HCK: variants seen among roughly 807,000 people sequenced by gnomAD.
HCK encodes the protein HCK proto-oncogene, Src family tyrosine kinase.
A neutral mutation model predicts 70.4 loss-of-function variants in HCK; 40 were observed. That is an observed-to-expected ratio of 0.57 (90% CI 0.44 to 0.74). HCK has a LOEUF of 0.74. HCK is among the 30% of genes least tolerant of loss of function. The probability of loss-of-function intolerance (pLI) is 0.00; values close to 1 mark genes in which losing one functional copy is unlikely to be tolerated. For synonymous variants in HCK, 245 were observed against 263.2 expected (o/e 0.93, Z 0.67); for missense variants, 568 against 697.2 (o/e 0.81, Z 2.09).
At chr20:32,067,851 A>G (rs2045482194) in intron 1 of HCK, among the ~76,000 whole-genome samples, 1 of 152,138 alleles carries the variant, frequency 6.6e-6, no homozygotes, top group South Asian at 2.1e-4. Flanking sequence ...GTGAAGGCTT[A>G]GTACAAAAAA....
In HCK at chr20:32,073,273, C is replaced by T. The variant is rs370030252; in HGVS notation, c.184-46C>T. On this transcript the variant is annotated intron_variant, in intron 2 of 12. Coordinates refer to ENST00000375852, the MANE Select transcript of HCK (RefSeq NM_002110.5). ...TCAACACAGACCTTCCACGGGTCCCCACACATTGGTCAGATTCATTCTCTT... is the reference window on the plus strand; with the variant it reads ...TCAACACAGACCTTCCACGGGTCCCTACACATTGGTCAGATTCATTCTCTT... The T allele has an allele frequency of 4.6e-5, 72 of 1,550,558 alleles. No homozygotes were observed. The Middle Eastern group carries it at 6.7e-4, about 14-fold the overall frequency.
In HCK at chr20:32,061,145, A is replaced by G. The variant is rs944596419; in HGVS notation, c.62+8659A>G. 4.6e-5 allele frequency among the ~76,000 whole-genome samples: 7 copies of G among 152,168 alleles called. No individual in the cohort carries two copies. The South Asian group carries it at 6.2e-4, about 14-fold the overall frequency. On this transcript the variant is annotated intron_variant, in intron 1 of 12. Coordinates refer to ENST00000375852, the MANE Select transcript of HCK (RefSeq NM_002110.5). ...ATTACAAGCATGCGCCACCACGCCC[A>G]GCTAATTTTTGTATTTTTAGTAGAG...
intron 2 of HCK, chr20:32,072,575 A>AG: frequency 6.6e-6 from 1 of 150,608 alleles, no homozygotes; most frequent in African/African-American, 2.4e-5. Context: ...AAAAAAAAAA[A>AG]AAAAAAAAAA....
At chr20:32,061,384 C>T (rs1429060332) in intron 1 of HCK, among the ~76,000 whole-genome samples, 1 of 152,214 alleles carries the variant, frequency 6.6e-6, no homozygotes, top group Non-Finnish European at 1.5e-5. Flanking sequence ...GGTCTCCCTG[C>T]CACACTCAGT....
chr20:32,059,078 A>G (rs2045321244), intron 1 of HCK, among the ~76,000 whole-genome samples: 1 of 152,202 alleles, frequency 6.6e-6, no homozygotes, highest in African/African-American at 2.4e-5. Context: ...GTCCAGCCAG[A>G]ATGTGCAGAA....
chr20:32,059,121 C>T (rs1174768588), intron 1 of HCK, among the ~76,000 whole-genome samples: 1 of 152,150 alleles, frequency 6.6e-6, no homozygotes, highest in Admixed American at 6.5e-5. Flanking sequence ...AGGCAGGGCA[C>T]TGACAGCCTC....
chr20:32,087,844 G>A (rs554497650), intron 9 of HCK, among the ~76,000 whole-genome samples: 14 of 152,076 alleles, frequency 9.2e-5, no homozygotes, highest in Admixed American at 6.6e-4. Context: ...GTGTTTCACC[G>A]TGTTAGCCAG....
chr20:32,101,788 A>T lies in HCK; in HGVS notation c.*269A>T, dbSNP rs1314484333. The T allele has an allele frequency of 8.0e-6, 3 of 374,092 alleles. No individual in the cohort carries two copies. The highest frequency in any genetic ancestry group is 6.2e-5 in the African/African-American group (3 of 48,724). The allele number at this position is 374,092 out of a possible 1,614,324, so 23.2% of individuals were successfully genotyped here. Reference sequence around the variant, plus strand: ...ATTTTAGTTACAGCTGTGATTTGGAAGGGAAACTTTCAAAATAGTGAAATG... The same window carrying T: ...ATTTTAGTTACAGCTGTGATTTGGATGGGAAACTTTCAAAATAGTGAAATG... On this transcript the variant is annotated 3_prime_UTR_variant, in exon 13 of 13. Transcript: ENST00000375852.
intron 11 of HCK, among the ~76,000 whole-genome samples, chr20:32,096,912 T>TAC (rs1569014108): frequency 6.6e-6 from 1 of 151,998 alleles, no homozygotes; most frequent in African/African-American, 2.4e-5. Context: ...AGGGTATATA[T>TAC]ATATATATAA....
chr20:32,078,908 A>G (rs970215068), intron 5 of HCK, among the ~76,000 whole-genome samples: 1 of 150,714 alleles, frequency 6.6e-6, no homozygotes, highest in Non-Finnish European at 1.5e-5. Flanking sequence ...TGACAACTCC[A>G]TAGAGCTGTT....
At chr20:32,101,261 C>A in intron 12 of HCK, 56 bp from the exon 13 acceptor site, 3 of 1,540,126 alleles carry the variant, frequency 1.9e-6, no homozygotes, top group South Asian at 1.2e-5. Context: ...GGCCTGCCAC[C>A]CCTGGGCTCT....
At chr20:32,082,567 G>A (rs910377672) in intron 6 of HCK, among the ~76,000 whole-genome samples, 15 of 152,034 alleles carry the variant, frequency 9.9e-5, no homozygotes, top group African/African-American at 3.6e-4. Context: ...GCTTGAACCT[G>A]GGAGGCAGAG....
At chr20:32,093,526 T>C (rs2045893193) in intron 10 of HCK, among the ~76,000 whole-genome samples, 1 of 150,474 alleles carries the variant, frequency 6.6e-6, no homozygotes, top group Non-Finnish European at 1.5e-5. Context: ...TGTGTGTGCA[T>C]GTGCACGTGT....
chr20:32,083,784 C>A, intron 6 of HCK, 110 bp from the exon 7 acceptor site: 2 of 1,322,712 alleles, frequency 1.5e-6, no homozygotes, highest in Non-Finnish European at 2.2e-6. Flanking sequence ...GCACTTCTGC[C>A]CAGGTGTCAG....
chr20:32,082,322 A>C (rs2045718872), intron 6 of HCK, among the ~76,000 whole-genome samples: 1 of 152,134 alleles, frequency 6.6e-6, no homozygotes, highest in African/African-American at 2.4e-5. Context: ...CTTGCCTGGC[A>C]TGTACGGTAA....
intron 6 of HCK, 141 bp from the exon 7 acceptor site, chr20:32,083,753 A>G: frequency 2.1e-6 from 2 of 931,540 alleles, no homozygotes; most frequent in Non-Finnish European, 3.4e-6. Context: ...CCTGGCTCCC[A>G]CAGCCCACTC....
chr20:32,064,952 T>C (rs1349636333), intron 1 of HCK, among the ~76,000 whole-genome samples: 1 of 152,254 alleles, frequency 6.6e-6, no homozygotes, highest in African/African-American at 2.4e-5. Context: ...GGCAGACTGC[T>C]TCTGCTCTCA....
intron 11 of HCK, among the ~76,000 whole-genome samples, chr20:32,097,375 C>T (rs951793569): frequency 2.4e-4 from 37 of 151,924 alleles, no homozygotes; most frequent in Admixed American, 2.1e-3. Context: ...GTCAGGAGAT[C>T]GAGACCATCC....
intron 1 of HCK, among the ~76,000 whole-genome samples, chr20:32,064,054 A>C (rs2045420996): frequency 1.7e-5 from 2 of 116,962 alleles, no homozygotes; most frequent in East Asian, 6.0e-4. Flanking sequence ...CCCAGGCTGG[A>C]GTGCAATGGC....
Sources: allele counts gnomAD v4.1 joint callset (sites outside exome capture counted in the v4.1 genomes callset), GRCh38; gene constraint gnomAD v4.1.1; transcripts MANE v1.5; gene names NCBI Gene and HGNC (gene_info 2026-07-23, HGNC 2026-07-21).